KIAA1671: variants seen among roughly 807,000 people sequenced by gnomAD.
KIAA1671 encodes KIAA1671.
Under a neutral mutation model 131.2 loss-of-function variants are expected in KIAA1671, and 52 were observed. The ratio of observed to expected loss-of-function variants is 0.40; its 90% CI spans 0.32 to 0.50. The LOEUF (loss-of-function observed/expected upper bound fraction) is 0.50. Ranked by LOEUF, KIAA1671 falls within the 20% of genes least tolerant of loss-of-function variation. The probability of loss-of-function intolerance (pLI) is 0.73; values close to 1 mark genes in which losing one functional copy is unlikely to be tolerated. For synonymous variants in KIAA1671, 1,003 were observed against 961.6 expected (o/e 1.04, Z -0.80); for missense variants, 2,360 against 2,364.2 (o/e 1.00, Z 0.04).
At chr22:24,971,662 G>A (rs1041904741) in intron 1 of KIAA1671, among the ~76,000 whole-genome samples, 3 of 152,120 alleles carry the variant, frequency 2.0e-5, no homozygotes, top group Non-Finnish European at 4.4e-5. Context: ...TCAAATTTGG[G>A]GGTGATCCAT....
chr22:25,031,453 T>C (rs965907332), intron 3 of KIAA1671, among the ~76,000 whole-genome samples: 7 of 150,274 alleles, frequency 4.7e-5, no homozygotes, highest in Admixed American at 4.0e-4. Context: ...GCCTCAGCCT[T>C]CCAAAGTGCT....
At chr22:25,037,928 C>T (rs1926705107) in intron 4 of KIAA1671, among the ~76,000 whole-genome samples, 2 of 152,214 alleles carry the variant, frequency 1.3e-5, no homozygotes, top group Admixed American at 1.3e-4. Context: ...CAATCTCCGC[C>T]CTCCAGGTTC....
In KIAA1671 at chr22:25,101,509, T is replaced by C. The variant is rs572719238; in HGVS notation, c.4530+52145T>C. Among the ~76,000 whole-genome samples the C allele has an allele frequency of 7.2e-5, 11 of 152,316 alleles. No individual in the cohort carries two copies. The South Asian group carries it at 8.3e-4, about 11-fold the overall frequency. ...TGATTTTTATTGATTGATTGATTGA[T>C]TGATTGCTCATCCCAAGGTTAAAGA... On this transcript the variant is annotated intron_variant, in intron 6 of 12. Coordinates refer to ENST00000358431, the MANE Select transcript of KIAA1671 (RefSeq NM_001145206.2).
intron 6 of KIAA1671, among the ~76,000 whole-genome samples, chr22:25,093,759 TCTCTCTCTGTCTCTC>T (rs1568951128): frequency 2.6e-4 from 31 of 117,378 alleles, no homozygotes; most frequent in Non-Finnish European, 4.5e-4. Context: ...TCTCTCTCTC[TCTCTCTCTGTCTCTC>T]TCTCTCTCTC....
intron 1 of KIAA1671, among the ~76,000 whole-genome samples, chr22:24,958,505 C>T (rs1921837050): frequency 6.6e-6 from 1 of 151,450 alleles, no homozygotes; most frequent in Non-Finnish European, 1.5e-5. Flanking sequence ...CAAAAATCAG[C>T]CAGGCGTGGT....
At chr22:25,113,458 T>C (rs1182859101) in intron 6 of KIAA1671, among the ~76,000 whole-genome samples, 1 of 152,192 alleles carries the variant, frequency 6.6e-6, no homozygotes. Flanking sequence ...CAGCCCCTTT[T>C]TCTGGGTTCC....
rs1568951562 is a variant in KIAA1671, at chr22:25,093,832, C to T, written c.4530+44468C>T. 4.3e-5 allele frequency among the ~76,000 whole-genome samples: 3 copies of T among 69,366 alleles called. 1 individual carries two copies. The highest frequency in any genetic ancestry group is 2.2e-4 in the African/African-American group (3 of 13,408). The allele number at this position is 69,366 out of a possible 152,430, so 45.5% of individuals were successfully genotyped here. The stretch of plus-strand genomic sequence containing the variant: ...TCTCTGTCTCTCTCTCTTTCTCTCT[C>T]TGTCTGTCTCTCTCTCTCTCTCTCT... On this transcript the variant is annotated intron_variant, in intron 6 of 12. Transcript: ENST00000358431.
chr22:25,109,820 A>C (rs1027201832), intron 6 of KIAA1671, among the ~76,000 whole-genome samples: 2 of 152,182 alleles, frequency 1.3e-5, no homozygotes, highest in African/African-American at 4.8e-5. Flanking sequence ...AAATGAATGA[A>C]TGAAAGAATG....
intron 5 of KIAA1671, among the ~76,000 whole-genome samples, chr22:25,041,855 C>T (rs2145808683): frequency 6.6e-6 from 1 of 152,350 alleles, no homozygotes; most frequent in African/African-American, 2.4e-5. Context: ...AGCCATCCTC[C>T]CGCCTCAGCC....
chr22:24,986,998 C>T (rs1023222518), intron 1 of KIAA1671, among the ~76,000 whole-genome samples: 1 of 151,900 alleles, frequency 6.6e-6, no homozygotes, highest in Non-Finnish European at 1.5e-5. Flanking sequence ...TGACCTCCGC[C>T]GTTTACTGCA....
intron 1 of KIAA1671, among the ~76,000 whole-genome samples, chr22:24,963,035 CA>C (rs1258322795): frequency 6.6e-6 from 1 of 152,136 alleles, no homozygotes; most frequent in Non-Finnish European, 1.5e-5. Flanking sequence ...TGAGTATCCG[CA>C]GGGGTCACTG....
chr22:25,093,446 C>G (rs1458656717), intron 6 of KIAA1671, among the ~76,000 whole-genome samples: 2 of 152,152 alleles, frequency 1.3e-5, no homozygotes, highest in Admixed American at 1.3e-4. Context: ...GACAGCCACT[C>G]CCTCCCCTGA....
chr22:24,976,451 C>T (rs1417595416), intron 1 of KIAA1671, among the ~76,000 whole-genome samples: 1 of 152,234 alleles, frequency 6.6e-6, no homozygotes, highest in Non-Finnish European at 1.5e-5. Context: ...TCTGCCTACC[C>T]CCACCCTTCC....
At chr22:25,078,356 C>T (rs557735186) in intron 6 of KIAA1671, among the ~76,000 whole-genome samples, 26 of 152,162 alleles carry the variant, frequency 1.7e-4, no homozygotes, top group Non-Finnish European at 3.1e-4. Context: ...AATACTCAGT[C>T]TCTACAAAAG....
At chr22:24,968,379 T>G (rs1247395106) in intron 1 of KIAA1671, among the ~76,000 whole-genome samples, 1 of 152,074 alleles carries the variant, frequency 6.6e-6, no homozygotes, top group Non-Finnish European at 1.5e-5. Flanking sequence ...GAGGCCTGAG[T>G]CACCCCGGGA....
chr22:25,036,774 A>AG (rs1926621031), intron 4 of KIAA1671, among the ~76,000 whole-genome samples: 1 of 151,910 alleles, frequency 6.6e-6, no homozygotes, highest in Admixed American at 6.6e-5. Flanking sequence ...CAAAAAAAAA[A>AG]TTAGCCAGGC....
intron 1 of KIAA1671, among the ~76,000 whole-genome samples, chr22:24,956,587 C>T (rs1367144207): frequency 6.6e-6 from 1 of 152,198 alleles, no homozygotes; most frequent in Non-Finnish European, 1.5e-5. Context: ...AGCCAGCCAG[C>T]CGGGCGTGGT....
At chr22:25,190,852 G>C (rs1417006652) in intron 12 of KIAA1671, 68 bp downstream of exon 12, 16 of 1,112,322 alleles carry the variant, frequency 1.4e-5, no homozygotes, top group Non-Finnish European at 2.1e-5. Context: ...AACTCAGGGG[G>C]GCCACGCTTC....
intron 11 of KIAA1671, among the ~76,000 whole-genome samples, chr22:25,189,763 C>T (rs1346879002): frequency 2.9e-5 from 4 of 138,488 alleles, no homozygotes; most frequent in South Asian, 2.3e-4. Context: ...TTATATAGGA[C>T]GAATTTTTTG....
Sources: gnomAD v4.1 joint callset for allele counts (sites outside exome capture counted in the v4.1 genomes callset) on GRCh38, gnomAD v4.1.1 for gene constraint, MANE v1.5 for transcripts, NCBI Gene and HGNC (gene_info 2026-07-23, HGNC 2026-07-21) for gene names.